The following EYS variants were observed in gnomAD, a reference collection of about 807,000 sequenced individuals.
EYS encodes EGF-like photoreceptor maintenance factor.
Under a neutral mutation model 282.1 loss-of-function variants are expected in EYS, and 250 were observed. The observed-to-expected ratio is 0.89, with a 90% CI of 0.80 to 0.98. EYS has a LOEUF of 0.98. EYS is among the 50% of genes least tolerant of loss of function. The pLI is 0.00. For missense variants in EYS, 4,016 were observed against 3,709.0 expected, an observed-to-expected ratio of 1.08 and a Z score of -2.15; for synonymous variants, 1,355 against 1,282.9, an observed-to-expected ratio of 1.06 and a Z score of -1.20.
intron 5 of EYS, among the ~76,000 whole-genome samples, chr6:65,443,524 TATAC>T (rs770375722): frequency 6.6e-6 from 1 of 151,788 alleles, no homozygotes; most frequent in Non-Finnish European, 1.5e-5. Flanking sequence ...CATGTATGTA[TATAC>T]ATATACTTAT....
intron 30 of EYS, among the ~76,000 whole-genome samples, chr6:64,266,041 A>G (rs552595185): frequency 4.6e-5 from 7 of 152,102 alleles, no homozygotes; most frequent in Non-Finnish European, 1.0e-4. Context: ...GAAAATTTAC[A>G]TTTTCACAAG....
intron 2 of EYS, among the ~76,000 whole-genome samples, chr6:65,607,474 C>T (rs7748738): frequency 0.36 from 54,163 of 151,664 alleles, 12,080 homozygotes; most frequent in Non-Finnish European, 0.49. Context: ...ACTTTCCTCA[C>T]GCCTTCTATT....
intron 26 of EYS, among the ~76,000 whole-genome samples, chr6:64,528,263 C>T (rs1777988302): frequency 6.6e-6 from 1 of 151,986 alleles, no homozygotes; most frequent in African/African-American, 2.4e-5. Context: ...AATCTCCTCC[C>T]CTATATCATT....
chr6:65,642,799 A>G (rs1406156473), intron 1 of EYS, among the ~76,000 whole-genome samples: 4 of 152,206 alleles, frequency 2.6e-5, no homozygotes, highest in Non-Finnish European at 1.5e-5. Flanking sequence ...AGATTTTTAG[A>G]AGTTTTTAAT....
chr6:65,144,515 T>A (rs1764426654), intron 12 of EYS, among the ~76,000 whole-genome samples: 1 of 152,098 alleles, frequency 6.6e-6, no homozygotes, highest in Non-Finnish European at 1.5e-5. Context: ...ATATCTAACA[T>A]CTGGGTTCTT....
Position 64,593,261 on chromosome 6 carries a change from A to C in EYS, c.3733T>G (p.Cys1245Gly). The C allele has an allele frequency of 6.4e-7, 1 of 1,550,668 alleles. No homozygotes were observed. Among genetic ancestry groups the C allele is most frequent in the Non-Finnish European group, 8.7e-7 (1 of 1,146,396 alleles). Residue 1245 changes from cysteine (C) to glycine (G), a missense_variant, in exon 25 of 43, where the codon TGT becomes GGT. Physicochemically the swap from Cys to Gly is radical, Grantham distance 159. Transcript: ENST00000503581. ...LCGDEIRRIT[C>G]LTPIFQRTDP... ...GTTCTTTGAAAGATGGGAGTTAAAC[A>C]GGTAATTCTCCTTATTTCATCACCA...
intron 30 of EYS, among the ~76,000 whole-genome samples, chr6:64,306,597 G>C (rs977942700): frequency 6.6e-6 from 1 of 152,108 alleles, no homozygotes; most frequent in Non-Finnish European, 1.5e-5. Flanking sequence ...ACAACTTTTT[G>C]AGAGTGATAA....
At chr6:64,766,416 G>C (rs769861370) in intron 22 of EYS, among the ~76,000 whole-genome samples, 1 of 149,282 alleles carries the variant, frequency 6.7e-6, no homozygotes, top group African/African-American at 2.5e-5. Context: ...GGCAGATCAC[G>C]AGGTCAGGAG....
At chr6:65,580,434 G>T (rs549788467) in intron 2 of EYS, among the ~76,000 whole-genome samples, 3 of 152,154 alleles carry the variant, frequency 2.0e-5, no homozygotes, top group African/African-American at 7.2e-5. Flanking sequence ...AAGATTTGTA[G>T]ACAACAAATT....
At chr6:64,244,064 C>T (rs1766925988) in intron 30 of EYS, among the ~76,000 whole-genome samples, 1 of 152,114 alleles carries the variant, frequency 6.6e-6, no homozygotes, top group Admixed American at 6.5e-5. Context: ...TTAGAAAATT[C>T]AGTTCCCCAA....
intron 26 of EYS, among the ~76,000 whole-genome samples, chr6:64,551,007 C>T (rs1001097769): frequency 1.3e-5 from 2 of 151,976 alleles, no homozygotes; most frequent in African/African-American, 4.8e-5. Flanking sequence ...TCCTCAAGTG[C>T]TTAGCAGAAA....
Position 63,898,148 on chromosome 6 carries a change from T to C in EYS, c.7056-33790A>G, listed in dbSNP as rs1298676601. ...TCCCTAATAACGATTTCTGTAGTGA[T>C]ATTTGGGTTTTTTCCTAACTAAATC... On this transcript the variant is annotated intron_variant, in intron 35 of 42. Transcript: ENST00000503581. Among the ~76,000 whole-genome samples, 3 of 152,198 alleles carry C rather than the reference T, an allele frequency of 2.0e-5. No individual in the cohort carries two copies. In the East Asian group the frequency reaches 5.8e-4, roughly 29 times the overall value.
chr6:65,340,448 C>T (rs1195238210), intron 10 of EYS, among the ~76,000 whole-genome samples: 1 of 151,038 alleles, frequency 6.6e-6, no homozygotes, highest in African/African-American at 2.4e-5. Flanking sequence ...TCATAAGTTT[C>T]AAAATACTGA....
chr6:64,226,673 G>A (rs116909279), intron 31 of EYS, among the ~76,000 whole-genome samples: 1 of 152,022 alleles, frequency 6.6e-6, no homozygotes, highest in South Asian at 2.1e-4. Context: ...ACAAGGTTTA[G>A]CTAATATGAA....
At chr6:64,374,862 C>T (rs545828491) in intron 29 of EYS, among the ~76,000 whole-genome samples, 29 of 152,186 alleles carry the variant, frequency 1.9e-4, no homozygotes, top group African/African-American at 6.5e-4. Flanking sequence ...GGGAGAGAGC[C>T]GGCAGTCTAG....
intron 22 of EYS, among the ~76,000 whole-genome samples, chr6:64,654,250 TAATA>T (rs1047089722): frequency 1.2e-4 from 19 of 152,338 alleles, no homozygotes; most frequent in Admixed American, 2.0e-4. Flanking sequence ...TTCAATTGTC[TAATA>T]AATTAATGAT....
At chr6:65,500,960 T>A (rs2127277158) in intron 2 of EYS, among the ~76,000 whole-genome samples, 1 of 152,108 alleles carries the variant, frequency 6.6e-6, no homozygotes. Flanking sequence ...ATCACTCAGC[T>A]ACTTACAAAT....
intron 5 of EYS, among the ~76,000 whole-genome samples, chr6:65,421,726 C>A (rs1246935666): frequency 4.0e-5 from 6 of 151,704 alleles, no homozygotes; most frequent in Non-Finnish European, 5.9e-5. Context: ...ACTTAGAGGC[C>A]ATTGTAGGGC....
intron 33 of EYS, among the ~76,000 whole-genome samples, chr6:64,061,222 T>C (rs979560069): frequency 6.6e-6 from 1 of 152,124 alleles, no homozygotes. Flanking sequence ...TTTTAGAGAA[T>C]AGAATACTGG....
Sources: gnomAD v4.1 joint callset for allele counts (sites outside exome capture counted in the v4.1 genomes callset) on GRCh38, gnomAD v4.1.1 for gene constraint, MANE v1.5 for transcripts, NCBI Gene and HGNC (gene_info 2026-07-23, HGNC 2026-07-21) for gene names.